SLC26A6: variants seen among roughly 807,000 people sequenced by gnomAD.
SLC26A6 encodes the protein anion exchange transporter.
In SLC26A6, 67 loss-of-function variants were observed where a neutral mutation model predicts 87.1. The ratio of observed to expected loss-of-function variants is 0.77; its 90% CI spans 0.63 to 0.94. The LOEUF is 0.94. Among genes scored for constraint, SLC26A6 ranks in the 40% least tolerant of loss-of-function variants. The probability of loss-of-function intolerance (pLI) is 0.00; values close to 1 mark genes in which losing one functional copy is unlikely to be tolerated. For missense variants in SLC26A6, 902 were observed against 973.0 expected, an observed-to-expected ratio of 0.93 and a Z score of 0.97; for synonymous variants, 414 against 405.9, an observed-to-expected ratio of 1.02 and a Z score of -0.24.
chr3:48,629,861 G>A lies in SLC26A6; in HGVS notation c.1529+11C>T. 4 of 1,613,904 alleles carry A rather than the reference G, an allele frequency of 2.5e-6. No homozygotes were observed. The highest frequency in any genetic ancestry group is 3.4e-6 in the Non-Finnish European group (4 of 1,179,842). ...CTAGCTGGAATGAGGGGACCAACAT[G>A]GCGGACTCACATCTGTGTCCGGACC... is the stretch of plus-strand genomic sequence containing the variant. On this transcript the variant is annotated intron_variant, in intron 13 of 20. Transcript: ENST00000395550.
At position 48,628,442 on chromosome 3, in the gene SLC26A6, G is replaced by A. The variant is rs368118142; in HGVS notation, c.1792C>T (p.Arg598Trp). The A allele has an allele frequency of 8.7e-6, 14 of 1,613,900 alleles. No homozygotes were observed. Among genetic ancestry groups the A allele is most frequent in the African/African-American group, 4.0e-5 (3 of 74,896 alleles). ...GACAAAAGGGGCCCTGCCTGTTTCC[G>A]AAGCTTCTCCTCTTTCTGCAGTTGC... ...LKQLQKEEKL[R>W]KQAASPKGAS... Residue 598 changes from arginine to tryptophan, a missense_variant, in exon 16 of 21, where the codon CGG (arginine) becomes TGG (tryptophan). Coordinates refer to ENST00000395550, the MANE Select transcript of SLC26A6 (RefSeq NM_022911.3). The surrounding 1 kb of genome is among the most constrained non-coding windows in gnomAD (Gnocchi z 4.4).
intron 17 of SLC26A6, chr3:48,627,698 C>T: frequency 2.6e-6 from 1 of 389,354 alleles, no homozygotes; most frequent in Non-Finnish European, 4.6e-6. Context: ...TGAGCAGACT[C>T]TGGGGGAAGT....
chr3:48,629,720 G>A lies in SLC26A6; in HGVS notation c.1530-9C>T. The A allele has an allele frequency of 6.2e-7, 1 of 1,612,754 alleles. No individual in the cohort carries two copies. The highest frequency in any genetic ancestry group is 1.1e-5 in the South Asian group (1 of 90,926). On this transcript the variant is annotated splice_polypyrimidine_tract_variant and intron_variant, in intron 13 of 20. Transcript: ENST00000395550. ...GGACAGAGTAGTGGGGCCTGTGAAGGAGAGAGAGAATGCACGAAGAGGGGG... is the reference window on the plus strand; with the variant it reads ...GGACAGAGTAGTGGGGCCTGTGAAGAAGAGAGAGAATGCACGAAGAGGGGG...
At position 48,630,046 on chromosome 3, in the gene SLC26A6, C is replaced by G; in HGVS notation, c.1422+16G>C. ...GGGGCTGCCCAGTCCCTGCCCTGGG[C>G]TCCCAGTGCACTCACCAGATCCGCC... On this transcript the variant is annotated intron_variant, in intron 12 of 20. Transcript: ENST00000395550. The G allele has an allele frequency of 6.2e-7, 1 of 1,613,704 alleles. No individual in the cohort carries two copies. Among genetic ancestry groups the G allele is most frequent in the Non-Finnish European group, 8.5e-7 (1 of 1,179,808 alleles).
chr3:48,626,888 C>T lies in SLC26A6; in HGVS notation c.2061G>A (p.Lys687=), dbSNP rs1213663693. ...CCCCCGTCCTTACATTCTTCAGGCT[C>T]TTGAGGCACACAGTGTCCACAAAGG... ...ALSFVDTVCL[K]SLKNIFHDFR... The change falls in exon 18 of 21, where the codon AAG becomes AAA. Residue 687 remains lysine (K), a synonymous_variant. Transcript: ENST00000395550. 2 of 1,613,614 alleles carry T rather than the reference C, an allele frequency of 1.2e-6. No individual in the cohort carries two copies. Among genetic ancestry groups the T allele is most frequent in the Non-Finnish European group, 1.7e-6 (2 of 1,179,780 alleles).
At chr3:48,627,869 G>T in intron 17 of SLC26A6, 77 bp downstream of exon 17, 2 of 1,381,064 alleles carry the variant, frequency 1.4e-6, no homozygotes, top group Admixed American at 2.4e-5. Context: ...TGGGTCCATG[G>T]CATTCCTCAT....
At position 48,627,039 on chromosome 3, in the gene SLC26A6, T is replaced by A. The variant is rs1317330035; in HGVS notation, c.1910A>T (p.Asp637Val). ...ATTGGCTGTTGCATCTTCCATCTTATCTCCTGAGCTCACCTGCTGGGGAGC... is the reference window on the plus strand; with the variant it reads ...ATTGGCTGTTGCATCTTCCATCTTAACTCCTGAGCTCACCTGCTGGGGAGC... ...DCKMMQVSSG[D>V]KMEDATANGQ... Residue 637 changes from aspartate to valine, a missense_variant, in exon 18 of 21, where the codon GAT (aspartate) becomes GTT (valine). By Grantham distance (152) the Asp-to-Val change is radical. Around this residue, in one of 3 missense-constraint regions of SLC26A6, gnomAD observed 800 missense variants for 856.8 expected, o/e 0.93. Transcript: ENST00000395550. 6.2e-7 allele frequency: 1 copy of A among 1,613,452 alleles called. No individual in the cohort carries two copies. The highest frequency in any genetic ancestry group is 1.3e-5 in the African/African-American group (1 of 75,008).
In SLC26A6 at chr3:48,628,874, CCCGA is replaced by C. The variant is rs1188887238; in HGVS notation, c.1600-164_1600-161del. Among the ~76,000 whole-genome samples, 2 of 152,144 alleles carry C rather than the reference CCCGA, an allele frequency of 1.3e-5. No homozygotes were observed. Among genetic ancestry groups the C allele is most frequent in the Non-Finnish European group, 2.9e-5 (2 of 68,000 alleles). On this transcript the variant is annotated intron_variant, in intron 14 of 20. Coordinates refer to ENST00000395550, the MANE Select transcript of SLC26A6 (RefSeq NM_022911.3). The surrounding 1 kb of genome is among the most constrained non-coding windows in gnomAD (Gnocchi z 4.4). ...CCCTCCCAGGGGCTTAGGCCACAAG[CCCGA>C]CGGTGTCATCCCCATCCCCCCACAG...
intron 17 of SLC26A6, chr3:48,627,692 C>T (rs970765004): frequency 2.7e-6 from 1 of 375,314 alleles, no homozygotes; most frequent in East Asian, 5.3e-5. Flanking sequence ...TACCCATGAG[C>T]AGACTCTGGG....
At chr3:48,631,479 C>T (rs1559468489) in intron 7 of SLC26A6, 170 bp downstream of exon 7, 2 of 1,106,832 alleles carry the variant, frequency 1.8e-6, no homozygotes, top group African/African-American at 1.6e-5. Flanking sequence ...GAGATGCTGT[C>T]AGGGGCAGGA....
intron 5 of SLC26A6, 71 bp from the exon 6 acceptor site, chr3:48,632,115 T>C: frequency 2.5e-6 from 4 of 1,596,196 alleles, no homozygotes; most frequent in Non-Finnish European, 3.4e-6. Flanking sequence ...GCAGGGCAAG[T>C]GGGATGGGAG....
intron 9 of SLC26A6, 83 bp downstream of exon 9, chr3:48,630,908 CCT>C (rs1485557683): frequency 2.1e-5 from 33 of 1,578,302 alleles, no homozygotes; most frequent in Non-Finnish European, 2.7e-5. Context: ...CTGCTGTCTC[CCT>C]GTGTCCCACC....
In SLC26A6 at chr3:48,628,245, A is replaced by G; in HGVS notation, c.1800+189T>C. 1 of 791,062 alleles carries G rather than the reference A, an allele frequency of 1.3e-6. No homozygotes were observed. The highest frequency in any genetic ancestry group is 2.0e-6 in the Non-Finnish European group (1 of 502,050). The allele number at this position is 791,062 out of a possible 1,614,324, so 49.0% of individuals were successfully genotyped here. A position where few individuals can be genotyped will look rare whatever the true frequency, so the allele number is the denominator to read the frequency against. On this transcript the variant is annotated intron_variant, in intron 16 of 20. Coordinates refer to ENST00000395550, the MANE Select transcript of SLC26A6 (RefSeq NM_022911.3). The surrounding 1 kb of genome is among the most constrained non-coding windows in gnomAD (Gnocchi z 4.4). ...ACGGTTCTCACTGTCACTGGTTCAG[A>G]TGATGGGAGAGAAAATGCTGCCTAG...
rs760807445 is a variant in SLC26A6 at position 48,632,934 on chromosome 3, G to A, written c.433+40C>T. 2.5e-6 allele frequency: 4 copies of A among 1,569,638 alleles called. No individual in the cohort carries two copies. The Admixed American group carries it at 5.3e-5, about 21-fold the overall frequency. ...CCTCACCCTGCCCTCCATGATGGAT[G>A]TGGGCATCCTCCTGGAAGGCTAGGC... On this transcript the variant is annotated intron_variant, in intron 4 of 20. Coordinates refer to ENST00000395550, the MANE Select transcript of SLC26A6 (RefSeq NM_022911.3).
At chr3:48,629,093 G>A (rs1310363528) in intron 14 of SLC26A6, among the ~76,000 whole-genome samples, 1 of 152,138 alleles carries the variant, frequency 6.6e-6, no homozygotes, top group Non-Finnish European at 1.5e-5. Flanking sequence ...GGTCTCTGCT[G>A]GGCTCCAGGC....
rs780427143 is a variant in SLC26A6, at chr3:48,628,448, TCTC to T, written c.1783_1785del (p.Glu595del). The T allele has an allele frequency of 1.4e-5, 23 of 1,614,024 alleles. No individual in the cohort carries two copies. Among genetic ancestry groups the T allele is most frequent in the Admixed American group, 5.0e-5 (3 of 60,016 alleles). ...AGGGGCCCTGCCTGTTTCCGAAGCT[TCTC>T]CTCTTTCTGCAGTTGCTTCAGCTTC... On this transcript the variant is annotated inframe_deletion, in exon 16 of 21. Coordinates refer to ENST00000395550, the MANE Select transcript of SLC26A6 (RefSeq NM_022911.3). The surrounding 1 kb of genome is among the most constrained non-coding windows in gnomAD (Gnocchi z 4.4).
chr3:48,631,525 A>C, intron 7 of SLC26A6, 124 bp downstream of exon 7: 5 of 1,314,464 alleles, frequency 3.8e-6, no homozygotes, highest in Non-Finnish European at 5.1e-6. Context: ...TGTGCCCCCC[A>C]CAATACCCAA....
At position 48,631,238 on chromosome 3, in the gene SLC26A6, G is replaced by A; in HGVS notation, c.972C>T (p.Gly324=). ...CCAGAGCTCACCCTGCAGGGATGTT[G>A]CCCACGACATCTACCTCAAATCTGT... ...LKHRFEVDVV[G]NIPAGLVPPV... The change falls in exon 8 of 21, where the codon GGC becomes GGT. Residue 324 remains glycine (G), a synonymous_variant. Transcript: ENST00000395550. 3 of 1,610,886 alleles carry A rather than the reference G, an allele frequency of 1.9e-6. No individual in the cohort carries two copies. Among genetic ancestry groups the A allele is most frequent in the Non-Finnish European group, 8.5e-7 (1 of 1,178,062 alleles).
intron 17 of SLC26A6, 72 bp from the exon 18 acceptor site, chr3:48,627,127 C>G (rs921577832): frequency 1.3e-6 from 2 of 1,543,550 alleles, no homozygotes; most frequent in Admixed American, 1.9e-5. Flanking sequence ...CACAGACACG[C>G]GAGAACACGC....
Sources: gnomAD v4.1 joint callset for allele counts (sites outside exome capture counted in the v4.1 genomes callset) on GRCh38, gnomAD v4.1.1 for gene constraint, gnomAD v4.1.1 regional missense constraint, Gnocchi (gnomAD v3.1) non-coding constraint, MANE v1.5 for transcripts, NCBI Gene and HGNC (gene_info 2026-07-23, HGNC 2026-07-21) for gene names.